ATP8B4: variants seen among roughly 807,000 people sequenced by gnomAD.
ATP8B4 encodes ATPase phospholipid transporting 8B4 (putative), also known as probable phospholipid-transporting ATPase IM.
In ATP8B4, 133 loss-of-function variants were observed where a neutral mutation model predicts 145.6. That is an observed-to-expected ratio of 0.91 (90% confidence interval 0.79 to 1.05). The LOEUF (loss-of-function observed/expected upper bound fraction) is 1.05, where lower values mean the gene tolerates loss of function less well. Among genes scored for constraint, ATP8B4 ranks in the 50% least tolerant of loss-of-function variants. ATP8B4 has a pLI of 0.00. For missense variants in ATP8B4, 1,458 were observed against 1,425.2 expected (o/e 1.02, Z -0.37); for synonymous variants, 507 against 492.9 (o/e 1.03, Z -0.38).
At chr15:50,074,950 G>A (rs2054082191) in intron 2 of ATP8B4, among the ~76,000 whole-genome samples, 1 of 152,156 alleles carries the variant, frequency 6.6e-6, no homozygotes. Flanking sequence ...AAAGATTTAG[G>A]ATGGAATGAT....
rs2044079377 is a variant in ATP8B4, at chr15:50,133,631, C to G, written c.-42-26623G>C. ...AAAAATAAATTAAAAATAAGAAAGT[C>G]AAACTCACAGAAGCAGAGAGCATAA... On this transcript the variant is annotated intron_variant, in intron 1 of 3. Coordinates refer to the ATP8B4 transcript ENST00000558829. 2.0e-5 allele frequency among the ~76,000 whole-genome samples: 3 copies of G among 151,966 alleles called. No individual in the cohort carries two copies. In the South Asian group the frequency reaches 6.3e-4, roughly 32 times the overall value.
At chr15:49,867,333 C>T (rs192573008) in intron 25 of ATP8B4, among the ~76,000 whole-genome samples, 7 of 152,304 alleles carry the variant, frequency 4.6e-5, no homozygotes, top group Admixed American at 2.0e-4. Flanking sequence ...GTAAATAGAT[C>T]CCTCTCAACA....
At chr15:50,113,779 C>T (rs960205168) in intron 1 of ATP8B4, among the ~76,000 whole-genome samples, 1 of 124,576 alleles carries the variant, frequency 8.0e-6, no homozygotes, top group Non-Finnish European at 1.6e-5. Flanking sequence ...GCAGAGGTTG[C>T]GGTGAGCTGA....
chr15:50,154,937 A>G (rs2044392979), intron 1 of ATP8B4, among the ~76,000 whole-genome samples: 1 of 152,086 alleles, frequency 6.6e-6, no homozygotes, highest in Non-Finnish European at 1.5e-5. Context: ...AATGATCCAG[A>G]CATTTAATGA....
chr15:50,048,941 T>C (rs1415093198), intron 3 of ATP8B4, among the ~76,000 whole-genome samples: 2 of 151,604 alleles, frequency 1.3e-5, no homozygotes, highest in East Asian at 3.9e-4. Context: ...TAAGGGAGGG[T>C]CCCACAAGCC....
intron 18 of ATP8B4, 63 bp from the exon 19 acceptor site, chr15:49,919,013 G>A: frequency 8.4e-7 from 1 of 1,191,314 alleles, no homozygotes; most frequent in Non-Finnish European, 1.2e-6. Flanking sequence ...TAACATCTAT[G>A]GATTTCACTC....
intron 1 of ATP8B4, among the ~76,000 whole-genome samples, chr15:50,113,667 C>T (rs890261819): frequency 9.2e-5 from 14 of 151,742 alleles, no homozygotes; most frequent in African/African-American, 3.4e-4. Context: ...GGAAAAACTC[C>T]GTCTTTACTA....
chr15:50,008,177 C>T (rs1425381122), intron 7 of ATP8B4, among the ~76,000 whole-genome samples: 1 of 152,070 alleles, frequency 6.6e-6, no homozygotes, highest in African/African-American at 2.4e-5. Flanking sequence ...AAATTGATAG[C>T]GTGGAAGAGC....
At chr15:49,982,222 A>G (rs1042830623) in intron 10 of ATP8B4, among the ~76,000 whole-genome samples, 13 of 152,176 alleles carry the variant, frequency 8.5e-5, no homozygotes, top group African/African-American at 3.1e-4. Flanking sequence ...GGACAGGCAC[A>G]TCCTTAAAAG....
chr15:50,008,830 C>T (rs1159532740), intron 7 of ATP8B4, among the ~76,000 whole-genome samples: 1 of 152,130 alleles, frequency 6.6e-6, no homozygotes, highest in Non-Finnish European at 1.5e-5. Context: ...GATGTTCACC[C>T]TTGTTAGAGC....
At chr15:50,146,342 G>T (rs902634151) in intron 1 of ATP8B4, among the ~76,000 whole-genome samples, 7 of 152,136 alleles carry the variant, frequency 4.6e-5, no homozygotes, top group African/African-American at 1.7e-4. Context: ...TAGTCACCAG[G>T]CTGGGAGGAC....
intron 23 of ATP8B4, among the ~76,000 whole-genome samples, chr15:49,893,433 A>G (rs926709622): frequency 1.3e-5 from 2 of 152,252 alleles, no homozygotes; most frequent in Non-Finnish European, 2.9e-5. Flanking sequence ...GATAAACAAA[A>G]TGTAGTATAT....
chr15:49,906,691 G>GA (rs1599046885), intron 20 of ATP8B4, among the ~76,000 whole-genome samples: 1 of 152,106 alleles, frequency 6.6e-6, no homozygotes, highest in East Asian at 1.9e-4. Context: ...TGGACTTTTG[G>GA]AAAAAGAAGG....
At chr15:49,944,954 G>T (rs555971059) in intron 14 of ATP8B4, among the ~76,000 whole-genome samples, 12 of 152,220 alleles carry the variant, frequency 7.9e-5, no homozygotes, top group Non-Finnish European at 1.3e-4. Context: ...TAGTATTCTT[G>T]AATAGCCACT....
At chr15:50,016,580 G>A (rs1393025824) in intron 6 of ATP8B4, among the ~76,000 whole-genome samples, 4 of 152,158 alleles carry the variant, frequency 2.6e-5, no homozygotes, top group Non-Finnish European at 4.4e-5. Flanking sequence ...CCACAGCCAA[G>A]ACCACGGAGA....
chr15:49,893,212 C>T (rs1019736011), intron 23 of ATP8B4, among the ~76,000 whole-genome samples: 1 of 152,144 alleles, frequency 6.6e-6, no homozygotes, highest in Non-Finnish European at 1.5e-5. Flanking sequence ...TGTTTCTTTA[C>T]ATTTGGACTT....
intron 2 of ATP8B4, among the ~76,000 whole-genome samples, chr15:50,099,464 G>A (rs1174057543): frequency 1.3e-5 from 2 of 151,966 alleles, no homozygotes; most frequent in Non-Finnish European, 2.9e-5. Flanking sequence ...ATTTTTGGTA[G>A]AGACAGGGGT....
At chr15:50,026,669 A>C (rs2050027774) in intron 6 of ATP8B4, among the ~76,000 whole-genome samples, 1 of 152,190 alleles carries the variant, frequency 6.6e-6, no homozygotes, top group Non-Finnish European at 1.5e-5. Flanking sequence ...AGATGAGAAA[A>C]CTCAAGTCCT....
chr15:50,180,211 A>G (rs1485804816), intron 1 of ATP8B4, among the ~76,000 whole-genome samples: 2 of 152,248 alleles, frequency 1.3e-5, no homozygotes, highest in East Asian at 3.9e-4. Flanking sequence ...AACTCCTAAG[A>G]AAAAGATTCC....
Sources: allele counts gnomAD v4.1 joint callset (sites outside exome capture counted in the v4.1 genomes callset), GRCh38; gene constraint gnomAD v4.1.1; transcripts MANE v1.5; gene names NCBI Gene and HGNC (gene_info 2026-07-23, HGNC 2026-07-21).